C1orf146: variants seen among roughly 807,000 people sequenced by gnomAD.
C1orf146 encodes the protein protein SPO16 homolog.
Under a neutral mutation model 23.0 loss-of-function variants are expected in C1orf146, and 22 were observed. The ratio of observed to expected loss-of-function variants is 0.96; its 90% CI spans 0.68 to 1.36. The LOEUF (loss-of-function observed/expected upper bound fraction) is 1.36. Ranked by LOEUF, C1orf146 falls within the 40% of genes most tolerant of loss-of-function variation. The probability of loss-of-function intolerance (pLI) is 0.00; values close to 1 mark genes in which losing one functional copy is unlikely to be tolerated. For synonymous variants in C1orf146, 59 were observed against 65.3 expected (o/e 0.90, Z 0.47); for missense variants, 199 against 206.8 (o/e 0.96, Z 0.23).
rs1570801031 is a variant in C1orf146 at position 92,244,684 on chromosome 1, T to C, written c.330-95T>C. 8 of 823,210 alleles carry C rather than the reference T, an allele frequency of 9.7e-6. No homozygotes were observed. The East Asian group carries it at 2.0e-4, about 21-fold the overall frequency. The allele number at this position is 823,210 out of a possible 1,614,324, so 51.0% of individuals were successfully genotyped here. On this transcript the variant is annotated intron_variant, in intron 4 of 5. Transcript: ENST00000370375. ...GGCAGGGCATGAATGCATAGACAAA[T>C]AACAAACAATAGAGATTTGTCTCTT... is the stretch of plus-strand genomic sequence containing the variant.
chr1:92,244,954 C>A, intron 5 of C1orf146, 97 bp downstream of exon 5: 1 of 700,552 alleles, frequency 1.4e-6, no homozygotes, highest in Non-Finnish European at 2.4e-6. Flanking sequence ...AAATATCATG[C>A]TTCTGTTCCC....
chr1:92,242,466 A>G (rs1285321094), intron 3 of C1orf146, among the ~76,000 whole-genome samples, 161 bp downstream of exon 3: 1 of 152,142 alleles, frequency 6.6e-6, no homozygotes, highest in Non-Finnish European at 1.5e-5. Flanking sequence ...GCCAATTCCA[A>G]AATATATTCC....
At chr1:92,243,273 GGACCATTC>G (rs1480912243) in intron 3 of C1orf146, among the ~76,000 whole-genome samples, 1 of 152,160 alleles carries the variant, frequency 6.6e-6, no homozygotes, top group Admixed American at 6.5e-5. Context: ...TTTCCCTTTA[GGACCATTC>G]TTAATGGCCT....
chr1:92,229,517 C>T (rs777926254), intron 1 of C1orf146: 29 of 413,136 alleles, frequency 7.0e-5, no homozygotes, highest in Non-Finnish European at 1.0e-4. Context: ...GGACCTGATC[C>T]GGAAGTTTGG....
chr1:92,234,153 T>C (rs1194804233), intron 2 of C1orf146, among the ~76,000 whole-genome samples: 1 of 152,182 alleles, frequency 6.6e-6, no homozygotes, highest in Admixed American at 6.5e-5. Flanking sequence ...CTATGTTGAA[T>C]AGGAGTGGTG....
intron 1 of C1orf146, chr1:92,229,457 T>A: frequency 2.0e-6 from 1 of 500,776 alleles, no homozygotes; most frequent in South Asian, 1.6e-5. Flanking sequence ...CAGCTGTAGC[T>A]GTTCTTTGTA....
intron 1 of C1orf146, among the ~76,000 whole-genome samples, chr1:92,230,154 C>T (rs1213846787): frequency 1.3e-5 from 2 of 152,044 alleles, no homozygotes; most frequent in Non-Finnish European, 2.9e-5. Flanking sequence ...TCAGCATCAC[C>T]TGTGTACCTC....
At chr1:92,222,723 AC>A (rs1426073155) in intron 1 of C1orf146, among the ~76,000 whole-genome samples, 1 of 151,032 alleles carries the variant, frequency 6.6e-6, no homozygotes, top group African/African-American at 2.4e-5. Context: ...AGTAGCTGGG[AC>A]TACAGGCGCC....
At chr1:92,220,506 C>A (rs529963635) in intron 1 of C1orf146, among the ~76,000 whole-genome samples, 4 of 152,234 alleles carry the variant, frequency 2.6e-5, no homozygotes, top group Admixed American at 2.0e-4. Context: ...TCCTGGGCTA[C>A]AAATATGTAT....
intron 2 of C1orf146, among the ~76,000 whole-genome samples, chr1:92,236,051 T>A (rs534612710): frequency 6.6e-6 from 1 of 152,332 alleles, no homozygotes; most frequent in African/African-American, 2.4e-5. Context: ...CGATGGGTCT[T>A]GACTCTATCC....
chr1:92,232,873 T>A (rs1227729725), intron 2 of C1orf146, among the ~76,000 whole-genome samples: 1 of 152,204 alleles, frequency 6.6e-6, no homozygotes, highest in Admixed American at 6.5e-5. Flanking sequence ...TGGTGAGCAT[T>A]TTTTCATGTG....
chr1:92,229,380 C>T (rs1421146354), intron 1 of C1orf146: 11 of 540,414 alleles, frequency 2.0e-5, no homozygotes, highest in East Asian at 4.9e-5. Flanking sequence ...ACACCGGAAC[C>T]GTTCGTTGCC....
intron 2 of C1orf146, among the ~76,000 whole-genome samples, chr1:92,235,025 G>A (rs559507718): frequency 2.0e-5 from 3 of 151,904 alleles, no homozygotes; most frequent in Non-Finnish European, 2.9e-5. Flanking sequence ...TCTTGCTAGC[G>A]GTCTATCAAT....
chr1:92,241,153 A>G (rs1159016632), intron 2 of C1orf146, among the ~76,000 whole-genome samples: 2 of 150,742 alleles, frequency 1.3e-5, no homozygotes, highest in Non-Finnish European at 3.0e-5. Flanking sequence ...CCATAGTTAT[A>G]CATTAATGCA....
chr1:92,235,359 C>T (rs879175671), intron 2 of C1orf146, among the ~76,000 whole-genome samples: 6 of 152,102 alleles, frequency 3.9e-5, no homozygotes, highest in Non-Finnish European at 7.3e-5. Context: ...GCCTTCATTT[C>T]ATTATGTACC....
chr1:92,233,012 C>T (rs1570792360), intron 2 of C1orf146, among the ~76,000 whole-genome samples: 1 of 151,864 alleles, frequency 6.6e-6, no homozygotes, highest in African/African-American at 2.4e-5. Flanking sequence ...GATATTAGCC[C>T]TTTGTCAGAT....
At chr1:92,229,727 A>AG (rs918275512) in intron 1 of C1orf146, among the ~76,000 whole-genome samples, 4 of 152,142 alleles carry the variant, frequency 2.6e-5, no homozygotes, top group East Asian at 1.9e-4. Context: ...ACCCTAAAGA[A>AG]GGGGGGGTGG....
intron 1 of C1orf146, among the ~76,000 whole-genome samples, chr1:92,220,215 G>T (rs1401481094): frequency 6.6e-6 from 1 of 152,140 alleles, no homozygotes; most frequent in African/African-American, 2.4e-5. Context: ...ATGCTATTTA[G>T]AAACCAAAAT....
At chr1:92,229,230 G>A (rs1219644158) in intron 1 of C1orf146, 5 of 553,120 alleles carry the variant, frequency 9.0e-6, no homozygotes, top group South Asian at 4.2e-5. Flanking sequence ...TGGGTACATG[G>A]TGGTGCCGCT....
Sources: gnomAD v4.1 joint callset for allele counts (sites outside exome capture counted in the v4.1 genomes callset) on GRCh38, gnomAD v4.1.1 for gene constraint, MANE v1.5 for transcripts, NCBI Gene and HGNC (gene_info 2026-07-23, HGNC 2026-07-21) for gene names.